Variants in AKAP6 observed in about 807,000 individuals in gnomAD.
AKAP6 encodes the protein A-kinase anchor protein 6.
Under a neutral mutation model 188.5 loss-of-function variants are expected in AKAP6, and 58 were observed. The observed-to-expected ratio is 0.31, with a 90% CI of 0.25 to 0.38. AKAP6 has a LOEUF of 0.38. AKAP6 is among the 10% of genes least tolerant of loss of function. The pLI, the probability that AKAP6 is intolerant of heterozygous loss-of-function variation, is 1.00. For synonymous variants in AKAP6, 989 were observed against 998.6 expected, an observed-to-expected ratio of 0.99 and a Z score of 0.18; for missense variants, 2,710 against 2,740.0, an observed-to-expected ratio of 0.99 and a Z score of 0.24.
intron 1 of AKAP6, among the ~76,000 whole-genome samples, chr14:32,386,308 G>T (rs1888536335): frequency 6.6e-6 from 1 of 152,094 alleles, no homozygotes; most frequent in Non-Finnish European, 1.5e-5. Context: ...TCTAGCAGGA[G>T]TAAAGTGGTA....
At chr14:32,392,598 T>C (rs915433982) in intron 1 of AKAP6, among the ~76,000 whole-genome samples, 1 of 152,176 alleles carries the variant, frequency 6.6e-6, no homozygotes, top group Non-Finnish European at 1.5e-5. Context: ...AAGGGAACTT[T>C]AGCTCCTCAA....
chr14:32,377,190 A>G (rs932461239), intron 1 of AKAP6, among the ~76,000 whole-genome samples: 20 of 152,232 alleles, frequency 1.3e-4, no homozygotes, highest in Admixed American at 6.5e-5. Flanking sequence ...TAACTAAATC[A>G]GTGCCTATCT....
rs553745012 is a variant in AKAP6 at position 32,758,175 on chromosome 14, T to A, written c.3373-15503T>A. Among the ~76,000 whole-genome samples, 19 of 152,270 alleles carry A rather than the reference T, an allele frequency of 1.2e-4. No homozygotes were observed. The South Asian group carries it at 1.4e-3, about 12-fold the overall frequency. ...AAGATGGTAGAATATCCTCACCAAT[T>A]GATACCTGAGCTCATCTAGCTAACT... On this transcript the variant is annotated intron_variant, in intron 11 of 13. Transcript: ENST00000280979.
intron 11 of AKAP6, among the ~76,000 whole-genome samples, chr14:32,736,240 A>G (rs1310393899): frequency 6.6e-6 from 1 of 152,202 alleles, no homozygotes; most frequent in Non-Finnish European, 1.5e-5. Flanking sequence ...AAAAATACTT[A>G]CACAAATTGA....
intron 7 of AKAP6, among the ~76,000 whole-genome samples, chr14:32,624,047 G>A (rs1886917173): frequency 6.6e-6 from 1 of 151,996 alleles, no homozygotes; most frequent in Non-Finnish European, 1.5e-5. Context: ...AAAATGCAGC[G>A]GGATGGCCTC....
At position 32,823,190 on chromosome 14, in the gene AKAP6, T is replaced by A; in HGVS notation, c.5377T>A (p.Ser1793Thr). Residue 1793 changes from serine (S) to threonine (T), a missense_variant, in exon 13 of 14, where the codon TCA becomes ACA. By Grantham distance (58) the Ser-to-Thr change is moderately conservative. Around this residue, in one of 2 missense-constraint regions of AKAP6, gnomAD observed 2,473 missense variants for 2,426.1 expected, o/e 1.02. Transcript: ENST00000280979. ...DEIYEDCTLM[S>T]GLDYIKNELQ... ...AATTTATGAAGACTGCACCTTGATG[T>A]CAGGGCTAGACTACATAAAGAATGA... 6.2e-7 allele frequency: 1 copy of A among 1,613,766 alleles called. No homozygotes were observed. The highest frequency in any genetic ancestry group is 8.5e-7 in the Non-Finnish European group (1 of 1,179,870).
At position 32,773,775 on chromosome 14, in the gene AKAP6, A is replaced by T. The variant is rs759109127; in HGVS notation, c.3470A>T (p.Asn1157Ile). Reference protein sequence around the residue: ...LLDDRETCNLNADHQPMQLII... With the variant: ...LLDDRETCNLIADHQPMQLII... ...GATGACCGGGAGACTTGCAATCTGA[A>T]TGCAGACCACCAGCCCATGCAGCTG... Residue 1157 changes from asparagine (N) to isoleucine (I), a missense_variant, in exon 12 of 14, where the codon AAT becomes ATT. Asn to Ile is a moderately radical substitution (Grantham distance 149). Coordinates refer to ENST00000280979, the MANE Select transcript of AKAP6 (RefSeq NM_004274.5). 5 of 1,614,158 alleles carry T rather than the reference A, an allele frequency of 3.1e-6. No individual in the cohort carries two copies. In the Middle Eastern group the frequency reaches 4.9e-4, roughly 160 times the overall value.
chr14:32,584,645 G>C (rs899416311), intron 5 of AKAP6, among the ~76,000 whole-genome samples: 2 of 152,032 alleles, frequency 1.3e-5, no homozygotes, highest in African/African-American at 4.8e-5. Flanking sequence ...ACCCCTCCCT[G>C]GCCTCTACTC....
intron 11 of AKAP6, among the ~76,000 whole-genome samples, chr14:32,749,717 G>A (rs1056655844): frequency 6.6e-6 from 1 of 152,300 alleles, no homozygotes; most frequent in African/African-American, 2.4e-5. Context: ...GCAAACAAAT[G>A]TACAGATCTA....
At chr14:32,755,090 T>A (rs982359076) in intron 11 of AKAP6, among the ~76,000 whole-genome samples, 1 of 152,246 alleles carries the variant, frequency 6.6e-6, no homozygotes, top group Non-Finnish European at 1.5e-5. Flanking sequence ...ATAAGCTTTT[T>A]GCCCCCTTCT....
chr14:32,464,430 G>C (rs182449080), intron 2 of AKAP6, among the ~76,000 whole-genome samples: 1 of 152,280 alleles, frequency 6.6e-6, no homozygotes, highest in East Asian at 1.9e-4. Flanking sequence ...GGGATGCAAG[G>C]CTTGTTCAAC....
rs71115094 is a variant in AKAP6, at chr14:32,745,461, TTCTCTCTCTC to T, written c.3372+9605_3372+9614del. On this transcript the variant is annotated intron_variant, in intron 11 of 13. Transcript: ENST00000280979. Reference sequence around the variant, plus strand: ...TTTCTGCCAAACAAATATTTATTCATTCTCTCTCTCTCTCTCTCTCTCTCTCTCTCTCTCT... The same window carrying T: ...TTTCTGCCAAACAAATATTTATTCATTCTCTCTCTCTCTCTCTCTCTCTCT... 4.6e-3 allele frequency among the ~76,000 whole-genome samples: 650 copies of T among 141,436 alleles called. 6 individuals are homozygous for T. Among genetic ancestry groups the T allele is most frequent in the African/African-American group, 0.014 (552 of 38,270 alleles). The allele number at this position is 141,436 out of a possible 152,430, so 92.8% of individuals were successfully genotyped here. A position where few individuals can be genotyped will look rare whatever the true frequency, so the allele number is the denominator to read the frequency against.
intron 3 of AKAP6, among the ~76,000 whole-genome samples, chr14:32,539,979 A>G (rs537758563): frequency 1.5e-4 from 23 of 151,992 alleles, no homozygotes; most frequent in African/African-American, 5.3e-4. Flanking sequence ...GTTAGATTTC[A>G]TGTTCAGTTG....
intron 2 of AKAP6, among the ~76,000 whole-genome samples, chr14:32,518,922 A>C (rs1256409210): frequency 6.6e-6 from 1 of 152,202 alleles, no homozygotes; most frequent in African/African-American, 2.4e-5. Flanking sequence ...AATGAAGAAA[A>C]ACATGTTAAG....
At chr14:32,815,107 C>G (rs571915032) in intron 12 of AKAP6, among the ~76,000 whole-genome samples, 1 of 152,192 alleles carries the variant, frequency 6.6e-6, no homozygotes, top group South Asian at 2.1e-4. Flanking sequence ...TTTAAAACAA[C>G]ATCTAATGGA....
intron 12 of AKAP6, among the ~76,000 whole-genome samples, chr14:32,796,049 A>G (rs967184277): frequency 1.3e-5 from 2 of 152,146 alleles, no homozygotes; most frequent in African/African-American, 4.8e-5. Context: ...CAAAAAGTAT[A>G]AAATATGTAG....
intron 4 of AKAP6, among the ~76,000 whole-genome samples, chr14:32,566,928 A>AT (rs926819285): frequency 2.0e-5 from 3 of 150,474 alleles, no homozygotes; most frequent in East Asian, 2.0e-4. Context: ...CAAGTACTTA[A>AT]TTTTTTTTTT....
intron 2 of AKAP6, among the ~76,000 whole-genome samples, chr14:32,441,302 G>T (rs1173279777): frequency 6.6e-6 from 1 of 152,164 alleles, no homozygotes; most frequent in Admixed American, 6.5e-5. Flanking sequence ...TCTACAATTA[G>T]TGCTAAGATT....
chr14:32,732,421 C>T (rs763734592), intron 9 of AKAP6, 33 bp from the exon 10 acceptor site: 1 of 1,596,882 alleles, frequency 6.3e-7, no homozygotes, highest in Admixed American at 1.7e-5. Flanking sequence ...ACCTCTCTCC[C>T]TAATGATATC....
Sources: gnomAD v4.1 joint callset for allele counts (sites outside exome capture counted in the v4.1 genomes callset) on GRCh38, gnomAD v4.1.1 for gene constraint, gnomAD v4.1.1 regional missense constraint, MANE v1.5 for transcripts, NCBI Gene and HGNC (gene_info 2026-07-23, HGNC 2026-07-21) for gene names.